The following AGMO variants were observed in gnomAD, a reference collection of about 807,000 sequenced individuals.
AGMO encodes the protein alkylglycerol monooxygenase, also known as glyceryl-ether monooxygenase.
In AGMO, 75 loss-of-function variants were observed where a neutral mutation model predicts 60.2. That is an observed-to-expected ratio of 1.25 (90% CI 1.03 to 1.51). The LOEUF (loss-of-function observed/expected upper bound fraction) is 1.51. Ranked by LOEUF, AGMO falls within the 40% of genes most tolerant of loss-of-function variation. AGMO has a pLI of 0.00. For missense variants in AGMO, 763 were observed against 525.5 expected (o/e 1.45, Z -4.42); for synonymous variants, 261 against 177.1 (o/e 1.47, Z -3.76).
At chr7:15,412,945 T>C (rs760237306) in intron 5 of AGMO, among the ~76,000 whole-genome samples, 2 of 152,106 alleles carry the variant, frequency 1.3e-5, no homozygotes, top group Admixed American at 6.6e-5. Context: ...ACATGTAATA[T>C]TGACAATAAA....
chr7:15,167,644 G>A, the AGMO span, among the ~76,000 whole-genome samples: 1 of 152,148 alleles, frequency 6.6e-6, no homozygotes, highest in African/African-American at 2.4e-5. Flanking sequence ...TAAGATTGCA[G>A]GGCTAAGATT....
intron 12 of AGMO, among the ~76,000 whole-genome samples, chr7:15,297,862 G>C (rs1171744451): frequency 1.3e-5 from 2 of 152,060 alleles, no homozygotes; most frequent in Non-Finnish European, 2.9e-5. Context: ...AATAGATATT[G>C]AACTAACATA....
chr7:15,344,491 G>C (rs1781964932), intron 12 of AGMO, among the ~76,000 whole-genome samples: 1 of 152,088 alleles, frequency 6.6e-6, no homozygotes, highest in Non-Finnish European at 1.5e-5. Flanking sequence ...CTTGAGATCA[G>C]GAGTTCAAGA....
intron 12 of AGMO, among the ~76,000 whole-genome samples, chr7:15,349,412 A>G (rs1173027284): frequency 6.6e-6 from 1 of 152,118 alleles, no homozygotes; most frequent in African/African-American, 2.4e-5. Context: ...TTGACTTTAT[A>G]GGTTGAAAGG....
Position 15,510,501 on chromosome 7 carries a change from C to T in AGMO, c.409+34271G>A, listed in dbSNP as rs183183847. On this transcript the variant is annotated intron_variant, in intron 3 of 12. Transcript: ENST00000342526. ...CCCTAAGCATCTGTTTATGGGTAAA[C>T]GAATAAAGATACTGTGAGATGCTGT... Among the ~76,000 whole-genome samples the T allele has an allele frequency of 4.9e-4, 74 of 150,936 alleles. 1 individual carries two copies. The highest frequency in any genetic ancestry group is 3.5e-3 in the Middle Eastern group (1 of 286).
chr7:15,383,996 C>T (rs552295607), intron 10 of AGMO, among the ~76,000 whole-genome samples: 104 of 151,994 alleles, frequency 6.8e-4, no homozygotes, highest in Middle Eastern at 6.8e-3. Flanking sequence ...AGTGCAGTGG[C>T]GCGATCTCGG....
chr7:15,446,109 A>T (rs892012373), intron 3 of AGMO, among the ~76,000 whole-genome samples: 7 of 152,226 alleles, frequency 4.6e-5, no homozygotes, highest in African/African-American at 1.7e-4. Flanking sequence ...AATATTTAAA[A>T]GATCATGAAG....
At chr7:15,222,869 C>A (rs1336198644) in intron 12 of AGMO, among the ~76,000 whole-genome samples, 1 of 151,926 alleles carries the variant, frequency 6.6e-6, no homozygotes, top group African/African-American at 2.4e-5. Flanking sequence ...TTTTCCCCAA[C>A]ATGCGTAACA....
chr7:15,275,082 G>A (rs1037152444), intron 12 of AGMO, among the ~76,000 whole-genome samples: 2 of 151,140 alleles, frequency 1.3e-5, no homozygotes, highest in South Asian at 2.1e-4. Flanking sequence ...CTTTTCTTTT[G>A]CTAGCTGTGG....
chr7:15,159,330 G>C, the AGMO span, among the ~76,000 whole-genome samples: 1 of 152,262 alleles, frequency 6.6e-6, no homozygotes, highest in African/African-American at 2.4e-5. Context: ...GTTTTAGTCG[G>C]ATAAAAATCT....
intron 12 of AGMO, among the ~76,000 whole-genome samples, chr7:15,311,139 G>A (rs192900810): frequency 8.6e-5 from 13 of 151,848 alleles, no homozygotes; most frequent in Admixed American, 7.9e-4. Context: ...AACACAAGGT[G>A]AACAACTCTG....
chr7:15,429,316 T>G (rs1374979905), intron 4 of AGMO, among the ~76,000 whole-genome samples: 3 of 152,054 alleles, frequency 2.0e-5, no homozygotes, highest in African/African-American at 7.2e-5. Context: ...CTAATGGTCA[T>G]GCTGGAGTAT....
intron 12 of AGMO, among the ~76,000 whole-genome samples, chr7:15,356,096 G>T (rs1392467452): frequency 2.0e-5 from 3 of 152,152 alleles, no homozygotes; most frequent in Non-Finnish European, 4.4e-5. Flanking sequence ...GTGAGGAAAG[G>T]TCCACTGATA....
chr7:15,335,751 T>C (rs758548081), intron 12 of AGMO, among the ~76,000 whole-genome samples: 17 of 152,290 alleles, frequency 1.1e-4, no homozygotes, highest in Middle Eastern at 3.4e-3. Flanking sequence ...TTCACATCTA[T>C]AACTTAGATA....
Position 15,251,208 on chromosome 7 carries a change from T to C in AGMO, c.1264-49849A>G, listed in dbSNP as rs184373755. Among the ~76,000 whole-genome samples the C allele has an allele frequency of 5.0e-3, 756 of 152,086 alleles. 9 individuals carry two copies. The highest frequency in any genetic ancestry group is 0.01 in the Middle Eastern group (3 of 294). On this transcript the variant is annotated intron_variant, in intron 12 of 12. Coordinates refer to ENST00000342526, the MANE Select transcript of AGMO (RefSeq NM_001004320.2). The stretch of plus-strand genomic sequence containing the variant: ...TTTACTTCATGGCCCTGTTTCTTTG[T>C]CCATAGCTCACAAATTAAGGAGTAT...
chr7:15,388,807 G>T lies in AGMO; in HGVS notation c.823-1267C>A, dbSNP rs1784027102. 3.3e-5 allele frequency among the ~76,000 whole-genome samples: 5 copies of T among 152,154 alleles called. No homozygotes were observed. In the South Asian group the frequency reaches 8.3e-4, roughly 25 times the overall value. On this transcript the variant is annotated intron_variant, in intron 8 of 12. Transcript: ENST00000342526. ...TAAGTGAATATTTTTCTAAGTTCAAGTATTCCTAATTATCACAACTTGCCG... is the reference window on the plus strand; with the variant it reads ...TAAGTGAATATTTTTCTAAGTTCAATTATTCCTAATTATCACAACTTGCCG...
chr7:15,187,930 A>G, the AGMO span, among the ~76,000 whole-genome samples: 3 of 151,822 alleles, frequency 2.0e-5, no homozygotes, highest in Non-Finnish European at 4.4e-5. Flanking sequence ...TCTGGCTCCA[A>G]CCTCACACCA....
rs1396079282 is a variant in AGMO, at chr7:15,390,695, A to G, written c.798T>C (p.Asn266=). 4 of 1,609,184 alleles carry G rather than the reference A, an allele frequency of 2.5e-6. No homozygotes were observed. In the Admixed American group the frequency reaches 5.0e-5, roughly 20 times the overall value. ...KVVYGLTHPI[N]TFEPIKVQFH... is the part of the protein sequence containing the mutation. ...CCTGCACTTTGATTGGTTCAAATGT[A>G]TTAATGGGATGTGTTAAGCCATATA... Residue 266 remains asparagine, a synonymous_variant, in exon 8 of 13, where the codon AAT becomes AAC. Transcript: ENST00000342526.
chr7:15,502,149 T>G (rs909144761), intron 3 of AGMO, among the ~76,000 whole-genome samples: 1 of 152,048 alleles, frequency 6.6e-6, no homozygotes, highest in Non-Finnish European at 1.5e-5. Context: ...ATTATCTCAG[T>G]GTTCTATGAT....
Sources: allele counts gnomAD v4.1 joint callset (sites outside exome capture counted in the v4.1 genomes callset), GRCh38; gene constraint gnomAD v4.1.1; transcripts MANE v1.5; gene names NCBI Gene and HGNC (gene_info 2026-07-23, HGNC 2026-07-21).